Variants in COG2 observed in about 807,000 individuals in gnomAD.
The protein encoded by COG2 is conserved oligomeric Golgi complex subunit 2.
A neutral mutation model predicts 90.6 loss-of-function variants in COG2; 52 were observed. The ratio of observed to expected loss-of-function variants is 0.57; its 90% CI spans 0.46 to 0.72. The LOEUF is 0.72. Among genes scored for constraint, COG2 ranks in the 30% least tolerant of loss-of-function variants. The pLI, the probability that COG2 is intolerant of heterozygous loss-of-function variation, is 0.00. For synonymous variants in COG2, 337 were observed against 320.4 expected (o/e 1.05, Z -0.55); for missense variants, 829 against 891.2 (o/e 0.93, Z 0.89).
chr1:230,665,465 G>A (rs756297513), intron 5 of COG2, among the ~76,000 whole-genome samples: 5 of 152,136 alleles, frequency 3.3e-5, no homozygotes, highest in Non-Finnish European at 7.4e-5. Context: ...GAATATACCT[G>A]CAGTTCAAAG....
chr1:230,681,050 GCCA>G (rs1439833818), intron 10 of COG2: 1 of 152,116 alleles, frequency 6.6e-6, no homozygotes, highest in Non-Finnish European at 1.5e-5. Flanking sequence ...CCCCACCCCA[GCCA>G]CCACCACAAT....
intron 1 of COG2, among the ~76,000 whole-genome samples, chr1:230,656,530 G>A (rs1662057017): frequency 6.6e-6 from 1 of 152,242 alleles, no homozygotes; most frequent in Admixed American, 6.5e-5. Context: ...GTGCGATGCA[G>A]TGCTGAGAAG....
In COG2 at chr1:230,668,696, T is replaced by C; in HGVS notation, c.506T>C (p.Ile169Thr). 6.2e-7 allele frequency: 1 copy of C among 1,611,718 alleles called. No homozygotes were observed. Among genetic ancestry groups the C allele is most frequent in the Non-Finnish European group, 8.5e-7 (1 of 1,178,784 alleles). The part of the protein sequence containing the change: ...EASSPLLTGQ[I>T]LERIATEFNQ... Reference sequence around the variant, plus strand: ...ACTAGCCCCCTTTTGACTGGACAAATTTTGGAGAGAATTGCCACAGAATTT... The same window carrying C: ...ACTAGCCCCCTTTTGACTGGACAAACTTTGGAGAGAATTGCCACAGAATTT... Residue 169 changes from isoleucine (I) to threonine (T), a missense_variant, in exon 6 of 18, where the codon ATT (isoleucine) becomes ACT (threonine). Transcript: ENST00000366669.
At chr1:230,677,470 A>C (rs1365815607) in intron 9 of COG2, among the ~76,000 whole-genome samples, 2 of 152,212 alleles carry the variant, frequency 1.3e-5, no homozygotes, top group African/African-American at 4.8e-5. Flanking sequence ...TGATTGTCCC[A>C]TGTTACAGTG....
chr1:230,683,664 GGT>G, intron 11 of COG2, 29 bp downstream of exon 11: 2 of 1,488,542 alleles, frequency 1.3e-6, no homozygotes, highest in Non-Finnish European at 1.9e-6. Flanking sequence ...TAAGTGGCAT[GGT>G]ATCCTAAATG....
At chr1:230,665,845 C>T (rs1447123518) in intron 5 of COG2, among the ~76,000 whole-genome samples, 1 of 152,188 alleles carries the variant, frequency 6.6e-6, no homozygotes, top group Non-Finnish European at 1.5e-5. Flanking sequence ...GACAGCCCCT[C>T]CCAACTATGT....
rs750407554 is a variant in COG2 at position 230,671,675 on chromosome 1, CCTTTCAGTG to C, written c.899+36_899+44del. 6.9e-6 allele frequency: 11 copies of C among 1,605,366 alleles called. No individual in the cohort carries two copies. In the African/African-American group the frequency reaches 9.4e-5, roughly 14 times the overall value. On this transcript the variant is annotated intron_variant, in intron 8 of 17. Coordinates refer to ENST00000366669, the MANE Select transcript of COG2 (RefSeq NM_007357.3). ...ACAACCCTGTGTGGACCCCCACCTC[CCTTTCAGTG>C]ACCGCACCTGCTAATTGCAGGTGCA...
chr1:230,660,032 G>A (rs746613115), intron 2 of COG2, among the ~76,000 whole-genome samples: 10 of 152,172 alleles, frequency 6.6e-5, no homozygotes, highest in Non-Finnish European at 1.2e-4. Context: ...ACATTGGCCA[G>A]TATTGATCTT....
chr1:230,690,182 G>T (rs1662990854), intron 16 of COG2, 29 bp downstream of exon 16: 1 of 1,605,390 alleles, frequency 6.2e-7, no homozygotes, highest in South Asian at 1.1e-5. Context: ...GACCTTGTGG[G>T]CCTTGCTTAG....
intron 1 of COG2, among the ~76,000 whole-genome samples, chr1:230,658,492 A>G (rs1367780495): frequency 1.3e-5 from 2 of 152,144 alleles, no homozygotes; most frequent in Non-Finnish European, 2.9e-5. Flanking sequence ...CTCTCAGCCC[A>G]TACTGGGAGG....
chr1:230,673,529 C>G (rs1032149193), intron 8 of COG2, among the ~76,000 whole-genome samples: 2 of 152,230 alleles, frequency 1.3e-5, no homozygotes, highest in African/African-American at 4.8e-5. Flanking sequence ...GTTTTACATT[C>G]TCTCTTTGGG....
chr1:230,654,990 T>G (rs1010116444), intron 1 of COG2, among the ~76,000 whole-genome samples: 10 of 152,182 alleles, frequency 6.6e-5, no homozygotes, highest in African/African-American at 2.4e-4. Context: ...CTTAAGGAGA[T>G]TTTGGGCTGA....
chr1:230,675,706 A>G (rs918696200), intron 9 of COG2, among the ~76,000 whole-genome samples: 2 of 152,078 alleles, frequency 1.3e-5, no homozygotes, highest in Admixed American at 6.6e-5. Flanking sequence ...GCAGTGGCAC[A>G]ATTATAGCTC....
At chr1:230,660,660 G>C (rs1662159870) in intron 2 of COG2, 98 bp from the exon 3 acceptor site, 2 of 659,996 alleles carry the variant, frequency 3.0e-6, no homozygotes, top group Non-Finnish European at 4.9e-6. Flanking sequence ...TGTACAGAAA[G>C]AATAACCTAA....
chr1:230,677,436 A>G (rs1392918448), intron 9 of COG2, among the ~76,000 whole-genome samples: 5 of 152,232 alleles, frequency 3.3e-5, no homozygotes, highest in Non-Finnish European at 5.9e-5. Context: ...CATTCCAGAA[A>G]TGCAACTTAC....
At chr1:230,645,225 G>C (rs1403632594) in intron 1 of COG2, among the ~76,000 whole-genome samples, 1 of 82,062 alleles carries the variant, frequency 1.2e-5, no homozygotes. Context: ...AACAGAAAGA[G>C]ACCCTGTCAA....
At chr1:230,683,733 G>A (rs975740800) in intron 11 of COG2, 98 bp downstream of exon 11, 1 of 501,398 alleles carries the variant, frequency 2.0e-6, no homozygotes, top group Non-Finnish European at 3.5e-6. Context: ...TACTTTTACT[G>A]TTTTTTTTTT....
intron 8 of COG2, among the ~76,000 whole-genome samples, chr1:230,672,734 G>A (rs947466344): frequency 2.6e-5 from 4 of 151,866 alleles, no homozygotes; most frequent in African/African-American, 9.7e-5. Context: ...TGCAGGATGT[G>A]TTGCTCTTGG....
chr1:230,647,493 C>T (rs914076792), intron 1 of COG2, among the ~76,000 whole-genome samples: 1 of 152,178 alleles, frequency 6.6e-6, no homozygotes, highest in Non-Finnish European at 1.5e-5. Flanking sequence ...TTGTGCAAAT[C>T]GCTGGCCTCT....
Sources: gnomAD v4.1 joint callset for allele counts (sites outside exome capture counted in the v4.1 genomes callset) on GRCh38, gnomAD v4.1.1 for gene constraint, MANE v1.5 for transcripts, NCBI Gene and HGNC (gene_info 2026-07-23, HGNC 2026-07-21) for gene names.